Variants in ABHD5 observed in about 807,000 individuals in gnomAD.
ABHD5 encodes the protein abhydrolase domain containing 5, lysophosphatidic acid acyltransferase, also known as 1-acylglycerol-3-phosphate O-acyltransferase ABHD5.
ABHD5 carries 30 observed loss-of-function variants against 44.9 expected under a neutral mutation model. That is an observed-to-expected ratio of 0.67 (90% CI 0.50 to 0.91). The LOEUF (loss-of-function observed/expected upper bound fraction) is 0.91. Among genes scored for constraint, ABHD5 ranks in the 40% least tolerant of loss-of-function variants. The pLI, the probability that ABHD5 is intolerant of heterozygous loss-of-function variation, is 0.00. For missense variants in ABHD5, 399 were observed against 423.4 expected (o/e 0.94, Z 0.50); for synonymous variants, 167 against 147.0 (o/e 1.14, Z -0.99).
chr3:43,697,357 C>T (rs2084486333), intron 1 of ABHD5, among the ~76,000 whole-genome samples: 1 of 151,798 alleles, frequency 6.6e-6, no homozygotes, highest in African/African-American at 2.4e-5. Context: ...TTTTAATTGA[C>T]CTCTGATTCT....
At chr3:43,695,953 G>A (rs73087095) in intron 1 of ABHD5, among the ~76,000 whole-genome samples, 3,025 of 152,260 alleles carry the variant, frequency 0.02, 53 homozygotes, top group Non-Finnish European at 0.033. Flanking sequence ...TTCTTAGTTT[G>A]CACTACAATG....
At chr3:43,699,569 G>T in intron 2 of ABHD5, 1 of 542,490 alleles carries the variant, frequency 1.8e-6, no homozygotes, top group Non-Finnish European at 3.3e-6. Context: ...TTGGGCCCCT[G>T]TTATACTCTT....
At chr3:43,697,485 C>G (rs939866360) in intron 1 of ABHD5, among the ~76,000 whole-genome samples, 1 of 151,998 alleles carries the variant, frequency 6.6e-6, no homozygotes, top group African/African-American at 2.4e-5. Context: ...AAATATAGAC[C>G]TAATGGCTGG....
chr3:43,717,948 G>A, intron 6 of ABHD5, 91 bp downstream of exon 6: 2 of 1,542,574 alleles, frequency 1.3e-6, no homozygotes, highest in Non-Finnish European at 1.8e-6. Context: ...TCCTCGTGTT[G>A]CAGGTCATCT....
intron 2 of ABHD5, among the ~76,000 whole-genome samples, chr3:43,700,600 G>C (rs1254544126): frequency 1.3e-5 from 2 of 150,178 alleles, no homozygotes; most frequent in African/African-American, 4.9e-5. Context: ...TTGAGATGGA[G>C]CCTTGCTCTG....
intron 4 of ABHD5, 77 bp from the exon 5 acceptor site, chr3:43,714,870 T>C: frequency 9.7e-7 from 1 of 1,028,550 alleles, no homozygotes; most frequent in South Asian, 1.3e-5. Flanking sequence ...AGACAAGCAC[T>C]AAAACTTTCT....
downstream of ABHD5, among the ~76,000 whole-genome samples, chr3:43,723,163 A>AAT (rs572284884): frequency 1.5e-3 from 222 of 152,318 alleles, 1 homozygote; most frequent in African/African-American, 5.1e-3. Flanking sequence ...TGAAACATGA[A>AAT]ATATATAAAA....
intron 3 of ABHD5, among the ~76,000 whole-genome samples, chr3:43,711,115 A>G (rs1392345151): frequency 6.6e-6 from 1 of 152,318 alleles, no homozygotes; most frequent in Non-Finnish European, 1.5e-5. Context: ...CTTTTCAACA[A>G]TTCTAGAATC....
chr3:43,711,621 C>A lies in ABHD5; in HGVS notation c.507-88C>A, dbSNP rs1234955952. 8.0e-6 allele frequency: 12 copies of A among 1,495,750 alleles called. No homozygotes were observed. In the East Asian group the frequency reaches 9.1e-5, roughly 11 times the overall value. The allele number at this position is 1,495,750 out of a possible 1,614,324, so 92.7% of individuals were successfully genotyped here. A position where few individuals can be genotyped will look rare whatever the true frequency, so the allele number is the denominator to read the frequency against. ...TGAAGGTTTTTGAAGGTGGTTCATT[C>A]TACCTTTATTTTATAAATCATGTTA... On this transcript the variant is annotated intron_variant, in intron 3 of 6. Coordinates refer to ENST00000644371, the MANE Select transcript of ABHD5 (RefSeq NM_016006.6).
intron 1 of ABHD5, among the ~76,000 whole-genome samples, chr3:43,694,388 G>C (rs1172680911): frequency 6.6e-6 from 1 of 151,754 alleles, no homozygotes; most frequent in African/African-American, 2.4e-5. Flanking sequence ...CTGATTGTGA[G>C]TTACTAAAAA....
Position 43,710,761 on chromosome 3 carries a change from A to T in ABHD5, c.507-948A>T, listed in dbSNP as rs148405573. ...AGGGACTTTAGAGTCATTGTCAGTT[A>T]TCCTTGGGAGATTTTTGGCTGGCAT... On this transcript the variant is annotated intron_variant, in intron 3 of 6. Coordinates refer to ENST00000644371, the MANE Select transcript of ABHD5 (RefSeq NM_016006.6). Among the ~76,000 whole-genome samples, 530 of 152,298 alleles carry T rather than the reference A, an allele frequency of 3.5e-3. 2 individuals are homozygous for T. The highest frequency in any genetic ancestry group is 0.012 in the African/African-American group (490 of 41,560).
Position 43,720,499 on chromosome 3 carries a change from T to C in ABHD5, c.*1967T>C, listed in dbSNP as rs1051017019. 5 of 152,176 alleles carry C rather than the reference T, an allele frequency of 3.3e-5. No individual in the cohort carries two copies. The highest frequency in any genetic ancestry group is 1.2e-4 in the African/African-American group (5 of 41,458). The allele number at this position is 152,176 out of a possible 1,614,324, so 9.4% of individuals were successfully genotyped here. On this transcript the variant is annotated 3_prime_UTR_variant, in exon 7 of 7. Transcript: ENST00000644371. ...TATTTGAAAGATGTTGTAACTCTTT[T>C]TAAAGTTAGATTTTACCCTGAGGTA...
At chr3:43,715,460 G>C (rs1410265694) in intron 5 of ABHD5, among the ~76,000 whole-genome samples, 1 of 152,078 alleles carries the variant, frequency 6.6e-6, no homozygotes, top group East Asian at 1.9e-4. Context: ...ACCGTGCCCG[G>C]CCTTTGTTTA....
chr3:43,727,045 G>A (rs1050325147), downstream of ABHD5, among the ~76,000 whole-genome samples: 3 of 152,050 alleles, frequency 2.0e-5, no homozygotes, highest in African/African-American at 7.2e-5. Context: ...ATTTTGGGGC[G>A]CCCTCTCTGG....
Position 43,718,567 on chromosome 3 carries a change from T to G in ABHD5, c.*35T>G. On this transcript the variant is annotated 3_prime_UTR_variant, in exon 7 of 7. Coordinates refer to ENST00000644371, the MANE Select transcript of ABHD5 (RefSeq NM_016006.6). ...AGCTCTGATGGGAAAACCTGGTGAC[T>G]GATATAGTTGTTCAGCAATAATTCA... The G allele has an allele frequency of 6.3e-7, 1 of 1,577,520 alleles. No homozygotes were observed.
intron 3 of ABHD5, among the ~76,000 whole-genome samples, chr3:43,709,397 T>G (rs1471333666): frequency 2.6e-5 from 4 of 152,320 alleles, no homozygotes; most frequent in African/African-American, 7.2e-5. Context: ...AGATCATATT[T>G]AAAAGGCAAG....
intron 1 of ABHD5, 91 bp downstream of exon 1, chr3:43,691,130 C>G (rs1233119950): frequency 2.4e-6 from 3 of 1,270,628 alleles, no homozygotes; most frequent in African/African-American, 1.5e-5. Flanking sequence ...ACCAAGGAGT[C>G]GCCGCCCGCC....
At position 43,715,023 on chromosome 3, in the gene ABHD5, A is replaced by G. The variant is rs2084744368; in HGVS notation, c.738A>G (p.Thr246=). ...CAATGTTCGAAGACGATACTGTGAC[A>G]GAATACATCTACCACTGTAATGTGC... The part of the protein sequence containing the change: ...YSSMFEDDTV[T]EYIYHCNVQT... The change falls in exon 5 of 7, where the codon ACA becomes ACG. Residue 246 remains threonine (T), a synonymous_variant. Transcript: ENST00000644371. 6.2e-7 allele frequency: 1 copy of G among 1,613,532 alleles called. No individual in the cohort carries two copies. Among genetic ancestry groups the G allele is most frequent in the Non-Finnish European group, 8.5e-7 (1 of 1,179,744 alleles).
chr3:43,718,773 T>G lies in ABHD5; in HGVS notation c.*241T>G. The G allele has an allele frequency of 2.2e-6, 1 of 456,290 alleles. No individual in the cohort carries two copies. The highest frequency in any genetic ancestry group is 3.0e-5 in the South Asian group (1 of 33,656). The allele number at this position is 456,290 out of a possible 1,614,324, so 28.3% of individuals were successfully genotyped here. A position where few individuals can be genotyped will look rare whatever the true frequency, so the allele number is the denominator to read the frequency against. On this transcript the variant is annotated 3_prime_UTR_variant, in exon 7 of 7. Transcript: ENST00000644371. ...ATACAAGTCTCTAAATATAATACCT[T>G]TAAATAAAAGGTTATTTGTCCCTCT...
Sources: allele counts gnomAD v4.1 joint callset (sites outside exome capture counted in the v4.1 genomes callset), GRCh38; gene constraint gnomAD v4.1.1; transcripts MANE v1.5; gene names NCBI Gene and HGNC (gene_info 2026-07-23, HGNC 2026-07-21).